Variants in SKAP1 observed in about 807,000 individuals in gnomAD.
SKAP1 encodes src kinase-associated phosphoprotein 1.
In SKAP1, 44 loss-of-function variants were observed where a neutral mutation model predicts 58.5. The ratio of observed to expected loss-of-function variants is 0.75; its 90% CI spans 0.59 to 0.97. The LOEUF (loss-of-function observed/expected upper bound fraction) is 0.97. Ranked by LOEUF, SKAP1 falls within the 50% of genes least tolerant of loss-of-function variation. The pLI is 0.00. For missense variants in SKAP1, 390 were observed against 435.2 expected, an observed-to-expected ratio of 0.90 and a Z score of 0.92; for synonymous variants, 127 against 149.7, an observed-to-expected ratio of 0.85 and a Z score of 1.11.
intron 1 of SKAP1, among the ~76,000 whole-genome samples, chr17:48,414,595 A>G (rs1480126158): frequency 6.6e-6 from 1 of 152,224 alleles, no homozygotes; most frequent in Admixed American, 6.5e-5. Flanking sequence ...TTTCTGTTAT[A>G]ATTCATAGCT....
At chr17:48,320,437 T>C (rs1471470410) in intron 4 of SKAP1, among the ~76,000 whole-genome samples, 1 of 152,206 alleles carries the variant, frequency 6.6e-6, no homozygotes, top group Non-Finnish European at 1.5e-5. Context: ...TAGAAACTCA[T>C]AGTGCCCAGC....
At chr17:48,252,203 T>G (rs902746666) in intron 4 of SKAP1, among the ~76,000 whole-genome samples, 2 of 150,980 alleles carry the variant, frequency 1.3e-5, no homozygotes, top group Non-Finnish European at 2.9e-5. Flanking sequence ...GAGTAAATAA[T>G]ATATGTAAGC....
chr17:48,281,861 T>C (rs2065770589), intron 4 of SKAP1, among the ~76,000 whole-genome samples: 1 of 152,226 alleles, frequency 6.6e-6, no homozygotes, highest in African/African-American at 2.4e-5. Flanking sequence ...TAATATTTAC[T>C]AGTTTATGGA....
chr17:48,303,240 G>A (rs2066086657), intron 4 of SKAP1, among the ~76,000 whole-genome samples: 1 of 152,162 alleles, frequency 6.6e-6, no homozygotes, highest in African/African-American at 2.4e-5. Flanking sequence ...GACATTACCA[G>A]GTGATGAGCA....
intron 4 of SKAP1, among the ~76,000 whole-genome samples, chr17:48,330,851 T>C (rs1598578374): frequency 6.6e-6 from 1 of 151,612 alleles, no homozygotes; most frequent in Middle Eastern, 3.5e-3. Context: ...AGTGACCAAG[T>C]AACCAAGTAA....
In SKAP1 at chr17:48,352,082, GA is replaced by G. The variant is rs1159148144; in HGVS notation, c.179-6077del. On this transcript the variant is annotated intron_variant, in intron 3 of 12. Coordinates refer to ENST00000336915, the MANE Select transcript of SKAP1 (RefSeq NM_003726.4). The stretch of plus-strand genomic sequence containing the variant: ...GAAAAGAAAAAGAAACAAGAAAAGA[GA>G]AAAAAAAAAAAAAAGCAGCCACTGT... Among the ~76,000 whole-genome samples the G allele has an allele frequency of 6.8e-3, 777 of 114,408 alleles. 8 individuals carry two copies. Among genetic ancestry groups the G allele is most frequent in the African/African-American group, 0.02 (658 of 32,992 alleles). The allele number at this position is 114,408 out of a possible 152,430, so 75.1% of individuals were successfully genotyped here.
At chr17:48,216,494 CTTT>C (rs34252112) in intron 4 of SKAP1, among the ~76,000 whole-genome samples, 4 of 144,820 alleles carry the variant, frequency 2.8e-5, no homozygotes, top group Admixed American at 6.9e-5. Context: ...TGTGAATATA[CTTT>C]TTTTTTTTTT....
chr17:48,305,538 C>T (rs889205101), intron 4 of SKAP1, among the ~76,000 whole-genome samples: 6 of 152,102 alleles, frequency 3.9e-5, no homozygotes, highest in South Asian at 2.1e-4. Flanking sequence ...GGCTGAAGGA[C>T]GTAAAGTCTA....
At chr17:48,195,375 T>G (rs1181325929) in intron 4 of SKAP1, among the ~76,000 whole-genome samples, 1 of 152,228 alleles carries the variant, frequency 6.6e-6, no homozygotes, top group Non-Finnish European at 1.5e-5. Context: ...CATATATAAT[T>G]CTTTAACTTC....
chr17:48,328,352 G>C (rs1218436493), intron 4 of SKAP1, among the ~76,000 whole-genome samples: 2 of 152,118 alleles, frequency 1.3e-5, no homozygotes, highest in Non-Finnish European at 2.9e-5. Flanking sequence ...TCTATCTCTT[G>C]AGAAAGATTA....
intron 4 of SKAP1, among the ~76,000 whole-genome samples, chr17:48,333,240 C>T (rs755147364): frequency 4.6e-5 from 7 of 152,026 alleles, no homozygotes; most frequent in Non-Finnish European, 7.4e-5. Context: ...CAGCTGTTTG[C>T]CTTAAATAAC....
chr17:48,238,214 G>A (rs1214475223), intron 4 of SKAP1, among the ~76,000 whole-genome samples: 3 of 151,894 alleles, frequency 2.0e-5, no homozygotes, highest in Non-Finnish European at 4.4e-5. Flanking sequence ...GGCTGGTCTC[G>A]AACTCCTGGC....
At chr17:48,273,230 A>G (rs772334767) in intron 4 of SKAP1, among the ~76,000 whole-genome samples, 2 of 152,186 alleles carry the variant, frequency 1.3e-5, no homozygotes, top group African/African-American at 4.8e-5. Flanking sequence ...TTTTGCATCA[A>G]TCTGAACATT....
intron 11 of SKAP1, among the ~76,000 whole-genome samples, chr17:48,138,494 C>CGATT (rs1337917446): frequency 1.3e-5 from 2 of 151,620 alleles, no homozygotes; most frequent in African/African-American, 4.9e-5. Flanking sequence ...CTCAGCCTCC[C>CGATT]GATTAGCTGG....
At chr17:48,310,830 T>C (rs974126805) in intron 4 of SKAP1, among the ~76,000 whole-genome samples, 2 of 151,768 alleles carry the variant, frequency 1.3e-5, no homozygotes, top group African/African-American at 2.4e-5. Flanking sequence ...AGAGAGTTGA[T>C]TGCCAGCTTT....
Position 48,343,998 on chromosome 17 carries a change from A to G in SKAP1, c.280+1907T>C, listed in dbSNP as rs77604356. ...AAACCTAATATCCACATTTTAGGGCAGTCTTGAGGATCAAATGATGACATA... is the reference window on the plus strand; with the variant it reads ...AAACCTAATATCCACATTTTAGGGCGGTCTTGAGGATCAAATGATGACATA... On this transcript the variant is annotated intron_variant, in intron 4 of 12. Coordinates refer to ENST00000336915, the MANE Select transcript of SKAP1 (RefSeq NM_003726.4). Among the ~76,000 whole-genome samples, 47 of 152,198 alleles carry G rather than the reference A, an allele frequency of 3.1e-4. No homozygotes were observed. The East Asian group carries it at 8.6e-3, about 28-fold the overall frequency.
chr17:48,363,635 C>T (rs551348311), intron 3 of SKAP1, among the ~76,000 whole-genome samples, 154 bp downstream of exon 3: 3 of 152,270 alleles, frequency 2.0e-5, no homozygotes, highest in South Asian at 2.1e-4. Flanking sequence ...GGCAGGGGAG[C>T]GCAGCAGGGT....
chr17:48,192,272 C>T (rs1348209211), intron 4 of SKAP1, among the ~76,000 whole-genome samples: 1 of 151,800 alleles, frequency 6.6e-6, no homozygotes, highest in Non-Finnish European at 1.5e-5. Flanking sequence ...GAGTTTCCAT[C>T]TCTTCTTTCC....
At chr17:48,154,064 G>C (rs951087668) in intron 11 of SKAP1, among the ~76,000 whole-genome samples, 1 of 152,084 alleles carries the variant, frequency 6.6e-6, no homozygotes, top group Non-Finnish European at 1.5e-5. Context: ...TGGAAAGAAC[G>C]GGGTCAAGGG....
Sources: allele counts gnomAD v4.1 joint callset (sites outside exome capture counted in the v4.1 genomes callset), GRCh38; gene constraint gnomAD v4.1.1; transcripts MANE v1.5; gene names NCBI Gene and HGNC (gene_info 2026-07-23, HGNC 2026-07-21).